Variants in LUZP2 observed in about 807,000 individuals in gnomAD.
LUZP2 encodes the protein leucine zipper protein 2.
In LUZP2, 52 loss-of-function variants were observed where a neutral mutation model predicts 51.6. The observed-to-expected ratio is 1.01, with a 90% CI of 0.81 to 1.27. The LOEUF is 1.27. Among genes scored for constraint, LUZP2 ranks in the 50% most tolerant of loss-of-function variants. The pLI is 0.00. For missense variants in LUZP2, 436 were observed against 395.4 expected (o/e 1.10, Z -0.87); for synonymous variants, 154 against 137.3 (o/e 1.12, Z -0.85).
intron 1 of LUZP2, among the ~76,000 whole-genome samples, chr11:24,675,000 G>A (rs572594234): frequency 4.8e-4 from 73 of 152,234 alleles, no homozygotes; most frequent in African/African-American, 1.7e-3. Context: ...ATATATCGTG[G>A]CCTGACTGTA....
chr11:24,629,404 A>C (rs551679540), intron 1 of LUZP2, among the ~76,000 whole-genome samples: 78 of 151,126 alleles, frequency 5.2e-4, no homozygotes, highest in African/African-American at 1.7e-3. Context: ...GCTGTAAAAT[A>C]CATTTATTCT....
At chr11:25,031,253 A>G (rs6484096) in intron 9 of LUZP2, among the ~76,000 whole-genome samples, 86,991 of 150,502 alleles carry the variant, frequency 0.58, 26,107 homozygotes, top group African/African-American at 0.75. Flanking sequence ...CTTGTGATCC[A>G]CCTGCCTCGG....
intron 5 of LUZP2, among the ~76,000 whole-genome samples, chr11:24,904,020 A>G (rs1443348926): frequency 6.6e-6 from 1 of 152,120 alleles, no homozygotes; most frequent in Non-Finnish European, 1.5e-5. Flanking sequence ...TTACATAGTA[A>G]TCAATTTTTA....
chr11:24,752,347 A>G (rs1253232062), intron 4 of LUZP2, among the ~76,000 whole-genome samples: 1 of 152,202 alleles, frequency 6.6e-6, no homozygotes, highest in Non-Finnish European at 1.5e-5. Context: ...CACTGCTTCT[A>G]CATTGTTCTA....
chr11:24,549,612 A>G (rs370964939), intron 1 of LUZP2, among the ~76,000 whole-genome samples: 2 of 152,058 alleles, frequency 1.3e-5, no homozygotes, highest in African/African-American at 2.4e-5. Flanking sequence ...CACCAGCATC[A>G]CCACAAACAT....
intron 4 of LUZP2, among the ~76,000 whole-genome samples, chr11:24,758,898 C>A: frequency 6.6e-6 from 1 of 151,830 alleles, no homozygotes; most frequent in South Asian, 2.1e-4. Flanking sequence ...AAAAGATGAT[C>A]TTCCTCATTG....
intron 1 of LUZP2, among the ~76,000 whole-genome samples, chr11:24,636,474 G>T (rs188653510): frequency 6.6e-6 from 1 of 152,146 alleles, no homozygotes; most frequent in South Asian, 2.1e-4. Context: ...CTGCACATCA[G>T]ATTTTCCCCA....
chr11:24,497,535 CA>C (rs1849864053), intron 1 of LUZP2, among the ~76,000 whole-genome samples: 1 of 152,202 alleles, frequency 6.6e-6, no homozygotes, highest in African/African-American at 2.4e-5. Flanking sequence ...AGTGAGGGAT[CA>C]AAAGCTTTCT....
At chr11:25,016,692 G>A (rs966895070) in intron 9 of LUZP2, among the ~76,000 whole-genome samples, 1 of 152,022 alleles carries the variant, frequency 6.6e-6, no homozygotes, top group South Asian at 2.1e-4. Context: ...CACTTAGTTT[G>A]GTTTCATAGC....
At chr11:24,723,569 T>C (rs147472112) in intron 1 of LUZP2, among the ~76,000 whole-genome samples, 88 of 152,356 alleles carry the variant, frequency 5.8e-4, no homozygotes, top group African/African-American at 2.0e-3. Flanking sequence ...CCCATGCCTA[T>C]AATCCCAGCA....
intron 4 of LUZP2, among the ~76,000 whole-genome samples, chr11:24,758,897 T>A (rs1859872904): frequency 1.3e-5 from 2 of 152,072 alleles, no homozygotes; most frequent in South Asian, 4.1e-4. Flanking sequence ...AAAAAGATGA[T>A]CTTCCTCATT....
At chr11:24,833,014 C>A (rs1224569857) in intron 5 of LUZP2, among the ~76,000 whole-genome samples, 1 of 152,140 alleles carries the variant, frequency 6.6e-6, no homozygotes. Flanking sequence ...CCTCTTTGGG[C>A]TTCCCTGACT....
At chr11:24,500,777 G>A (rs539618979) in intron 1 of LUZP2, among the ~76,000 whole-genome samples, 41 of 152,214 alleles carry the variant, frequency 2.7e-4, no homozygotes, top group Middle Eastern at 3.4e-3. Flanking sequence ...GCAGATGGTC[G>A]GTTATAGTCC....
chr11:24,531,129 CA>C (rs1286097406), intron 1 of LUZP2, among the ~76,000 whole-genome samples: 2 of 149,830 alleles, frequency 1.3e-5, no homozygotes, highest in Non-Finnish European at 3.0e-5. Flanking sequence ...CTGTGTTTCA[CA>C]TTACCCTTGT....
chr11:24,638,110 G>T (rs1377406695), intron 1 of LUZP2, among the ~76,000 whole-genome samples: 2 of 151,760 alleles, frequency 1.3e-5, no homozygotes, highest in East Asian at 1.9e-4. Context: ...TTGGGGGCTG[G>T]TTCCCTGATA....
At chr11:24,944,726 C>G (rs1166864496) in intron 7 of LUZP2, among the ~76,000 whole-genome samples, 9 of 152,062 alleles carry the variant, frequency 5.9e-5, no homozygotes, top group Admixed American at 5.9e-4. Context: ...CAACTCAAGG[C>G]ATGAGAGAGA....
At chr11:24,745,186 G>A (rs941376049) in intron 4 of LUZP2, among the ~76,000 whole-genome samples, 1 of 152,092 alleles carries the variant, frequency 6.6e-6, no homozygotes, top group African/African-American at 2.4e-5. Flanking sequence ...ATATTCTGGG[G>A]TTGTTGGATG....
In LUZP2 at chr11:24,643,254, C is replaced by CAAAAA. The variant is rs570616833; in HGVS notation, c.63-85896_63-85892dup. On this transcript the variant is annotated intron_variant, in intron 1 of 11. Transcript: ENST00000336930. ...TGAAACCTCGTCTGTACTAAAAGTA[C>CAAAAA]AAAAAAAAAAAAAAAAAAAAAAATT... Among the ~76,000 whole-genome samples the CAAAAA allele has an allele frequency of 2.4e-3, 184 of 75,702 alleles. 1 individual carries two copies. The highest frequency in any genetic ancestry group is 9.2e-3 in the African/African-American group (163 of 17,812). The allele number at this position is 75,702 out of a possible 152,430, so 49.7% of individuals were successfully genotyped here. A position where few individuals can be genotyped will look rare whatever the true frequency, so the allele number is the denominator to read the frequency against.
intron 1 of LUZP2, among the ~76,000 whole-genome samples, chr11:24,601,898 A>G (rs11028048): frequency 4.0e-4 from 26 of 64,244 alleles, no homozygotes; most frequent in Middle Eastern, 0.01. Context: ...GTATATATGT[A>G]TATATGTATA....
Sources: allele counts gnomAD v4.1 joint callset (sites outside exome capture counted in the v4.1 genomes callset), GRCh38; gene constraint gnomAD v4.1.1; transcripts MANE v1.5; gene names NCBI Gene and HGNC (gene_info 2026-07-23, HGNC 2026-07-21).